The following PTPRG variants were observed in gnomAD, a reference collection of about 807,000 sequenced individuals.
PTPRG encodes protein tyrosine phosphatase receptor type G.
In PTPRG, 102 loss-of-function variants were observed where a neutral mutation model predicts 165.3. That is an observed-to-expected ratio of 0.62 (90% confidence interval 0.53 to 0.73). The LOEUF is 0.73. PTPRG is among the 30% of genes least tolerant of loss of function. The pLI is 0.00. For missense variants in PTPRG, 1,866 were observed against 1,861.4 expected, an observed-to-expected ratio of 1.00 and a Z score of -0.05; for synonymous variants, 675 against 669.5, an observed-to-expected ratio of 1.01 and a Z score of -0.13.
intron 6 of PTPRG, among the ~76,000 whole-genome samples, chr3:62,139,019 T>C (rs184939889): frequency 3.9e-5 from 6 of 152,338 alleles, no homozygotes; most frequent in East Asian, 3.9e-4. Context: ...AACTTGCCTG[T>C]GGTGATTGCT....
In PTPRG at chr3:61,718,289, T is replaced by A. The variant is rs1385196952; in HGVS notation, c.86-30589T>A. ...TTCATTCAGGGAAGAATTTGTTAGATCATTGACATTGCTTTAGTTTTAAAA... is the reference window on the plus strand; with the variant it reads ...TTCATTCAGGGAAGAATTTGTTAGAACATTGACATTGCTTTAGTTTTAAAA... On this transcript the variant is annotated intron_variant, in intron 1 of 29. Coordinates refer to ENST00000474889, the MANE Select transcript of PTPRG (RefSeq NM_002841.4). Among the ~76,000 whole-genome samples the A allele has an allele frequency of 2.0e-5, 3 of 151,564 alleles. No individual in the cohort carries two copies. In the Middle Eastern group the frequency reaches 0.01, roughly 523 times the overall value.
chr3:61,614,302 A>G (rs1180892590), intron 1 of PTPRG, among the ~76,000 whole-genome samples: 2 of 152,084 alleles, frequency 1.3e-5, no homozygotes, highest in African/African-American at 2.4e-5. Context: ...GTAGATTCCA[A>G]TCCTGGCTGT....
intron 16 of PTPRG, among the ~76,000 whole-genome samples, chr3:62,256,688 A>G (rs968144376): frequency 3.3e-5 from 5 of 152,204 alleles, no homozygotes; most frequent in African/African-American, 4.8e-5. Flanking sequence ...ATTCAGGACA[A>G]ACATTTATCC....
At chr3:61,584,437 C>T (rs1044649695) in intron 1 of PTPRG, among the ~76,000 whole-genome samples, 1 of 152,138 alleles carries the variant, frequency 6.6e-6, no homozygotes, top group Non-Finnish European at 1.5e-5. Flanking sequence ...TATCTTGTCC[C>T]TCGCTCCATT....
intron 2 of PTPRG, among the ~76,000 whole-genome samples, chr3:61,943,442 A>C (rs1347575813): frequency 6.6e-6 from 1 of 152,140 alleles, no homozygotes; most frequent in Non-Finnish European, 1.5e-5. Context: ...AAATATCAAA[A>C]GTAGCCAGGC....
chr3:61,715,820 A>G (rs1383696686), intron 1 of PTPRG, among the ~76,000 whole-genome samples: 2 of 152,176 alleles, frequency 1.3e-5, no homozygotes, highest in South Asian at 2.1e-4. Flanking sequence ...TCCAGATTAG[A>G]AATGGAATAG....
intron 2 of PTPRG, among the ~76,000 whole-genome samples, chr3:61,856,487 A>C (rs1252412458): frequency 6.6e-6 from 1 of 152,154 alleles, no homozygotes; most frequent in African/African-American, 2.4e-5. Context: ...TCTTTTCATC[A>C]TTTCTGATTT....
At chr3:62,001,223 A>G (rs904333602) in intron 3 of PTPRG, among the ~76,000 whole-genome samples, 3 of 152,250 alleles carry the variant, frequency 2.0e-5, no homozygotes, top group Non-Finnish European at 4.4e-5. Context: ...GACATGTAAC[A>G]TGCTGTGTGC....
Position 62,294,518 on chromosome 3 carries a change from G to A in PTPRG, c.*1211G>A, listed in dbSNP as rs1485974208. 6.6e-6 allele frequency: 1 copy of A among 152,046 alleles called. No homozygotes were observed. Among genetic ancestry groups the A allele is most frequent in the Non-Finnish European group, 1.5e-5 (1 of 67,980 alleles). 9.4% of individuals were successfully genotyped at this position (152,046 alleles called of 1,614,324 possible). A position where few individuals can be genotyped will look rare whatever the true frequency, so the allele number is the denominator to read the frequency against. On this transcript the variant is annotated 3_prime_UTR_variant, in exon 30 of 30. Transcript: ENST00000474889. Reference sequence around the variant, plus strand: ...GTTTTTAAAAGAGGGAGATGGCTTTGTATGCTTTTGTGTAGTTTAGAACAG... The same window carrying A: ...GTTTTTAAAAGAGGGAGATGGCTTTATATGCTTTTGTGTAGTTTAGAACAG...
intron 2 of PTPRG, among the ~76,000 whole-genome samples, chr3:61,752,797 A>AG (rs1277469963): frequency 2.9e-5 from 3 of 104,000 alleles, no homozygotes; most frequent in Admixed American, 9.7e-5. Context: ...AAAAAAAAAA[A>AG]AAAAGAAAAA....
chr3:61,952,608 G>A (rs982927126), intron 2 of PTPRG, among the ~76,000 whole-genome samples: 1 of 152,008 alleles, frequency 6.6e-6, no homozygotes, highest in Non-Finnish European at 1.5e-5. Flanking sequence ...CCTTGACGCC[G>A]GAGTTCTCAG....
At chr3:61,977,943 T>TC (rs2040547148) in intron 2 of PTPRG, among the ~76,000 whole-genome samples, 1 of 152,188 alleles carries the variant, frequency 6.6e-6, no homozygotes, top group South Asian at 2.1e-4. Context: ...GTTTACTTTT[T>TC]CCCCCAATGA....
rs1223303391 is a variant in PTPRG, at chr3:62,003,645, C to T, written c.519+148C>T. Reference sequence around the variant, plus strand: ...TGGAAACCCTTTATCCATAGTATGGCAGGTGGGTATCCATCCTTGTTTCTC... The same window carrying T: ...TGGAAACCCTTTATCCATAGTATGGTAGGTGGGTATCCATCCTTGTTTCTC... On this transcript the variant is annotated intron_variant, in intron 4 of 29. Coordinates refer to ENST00000474889, the MANE Select transcript of PTPRG (RefSeq NM_002841.4). The T allele has an allele frequency of 4.1e-6, 4 of 985,012 alleles. No homozygotes were observed. The African/African-American group carries it at 6.6e-5, about 16-fold the overall frequency. 61.0% of individuals were successfully genotyped at this position (985,012 alleles called of 1,614,324 possible). A position where few individuals can be genotyped will look rare whatever the true frequency, so the allele number is the denominator to read the frequency against.
chr3:62,272,969 C>T lies in PTPRG; in HGVS notation c.3206C>T (p.Thr1069Ile), dbSNP rs1480877811. 2 of 1,612,792 alleles carry T rather than the reference C, an allele frequency of 1.2e-6. No homozygotes were observed. Among genetic ancestry groups the T allele is most frequent in the Non-Finnish European group, 1.7e-6 (2 of 1,179,446 alleles). ...HCSAGVGRTG[T>I]YIVIDSMLQQ... ...AGTGCTGGTGTGGGCAGAACAGGCA[C>T]CTATATTGTAATAGACAGCATGCTG... Residue 1069 changes from threonine to isoleucine, a missense_variant, in exon 22 of 30, where the codon ACC becomes ATC. Thr to Ile is a moderately conservative substitution (Grantham distance 89). Around this residue, in one of 3 missense-constraint regions of PTPRG, gnomAD observed 1,452 missense variants for 1,463.0 expected, o/e 0.99. Coordinates refer to ENST00000474889, the MANE Select transcript of PTPRG (RefSeq NM_002841.4).
intron 5 of PTPRG, among the ~76,000 whole-genome samples, chr3:62,104,979 A>G (rs1702421634): frequency 6.6e-6 from 1 of 152,204 alleles, no homozygotes; most frequent in South Asian, 2.1e-4. Context: ...TAGTTTGCCT[A>G]TTCATCTTTC....
At chr3:61,789,629 T>C (rs1320426581) in intron 2 of PTPRG, among the ~76,000 whole-genome samples, 1 of 152,232 alleles carries the variant, frequency 6.6e-6, no homozygotes, top group Non-Finnish European at 1.5e-5. Context: ...TTTATATGGA[T>C]AGTGTTCCTT....
intron 4 of PTPRG, among the ~76,000 whole-genome samples, chr3:62,010,382 G>GTGTGTGTGTGTGTGTGTGTA (rs2041393459): frequency 6.6e-6 from 1 of 151,866 alleles, no homozygotes; most frequent in Non-Finnish European, 1.5e-5. Context: ...GTGTGTGTGT[G>GTGTGTGTGTGTGTGTGTGTA]TGTGTGTGTG....
chr3:62,285,530 G>A (rs1013358587), intron 28 of PTPRG, among the ~76,000 whole-genome samples: 1 of 138,404 alleles, frequency 7.2e-6, no homozygotes, highest in Non-Finnish European at 1.6e-5. Context: ...TTGTTGGGGG[G>A]GGGGGGTCTC....
At chr3:61,761,886 A>G (rs2033848908) in intron 2 of PTPRG, among the ~76,000 whole-genome samples, 1 of 152,084 alleles carries the variant, frequency 6.6e-6, no homozygotes, top group Non-Finnish European at 1.5e-5. Flanking sequence ...CCTCCTGGAA[A>G]CTGTTTTTCT....
Sources: gnomAD v4.1 joint callset for allele counts (sites outside exome capture counted in the v4.1 genomes callset) on GRCh38, gnomAD v4.1.1 for gene constraint, gnomAD v4.1.1 regional missense constraint, MANE v1.5 for transcripts, NCBI Gene and HGNC (gene_info 2026-07-23, HGNC 2026-07-21) for gene names.